The following GDPD5 variants were observed in gnomAD, a reference collection of about 807,000 sequenced individuals.
GDPD5 encodes glycerophosphodiester phosphodiesterase 2.
A neutral mutation model predicts 75.1 loss-of-function variants in GDPD5; 48 were observed. That is an observed-to-expected ratio of 0.64 (90% CI 0.51 to 0.81). The LOEUF is 0.81. Among genes scored for constraint, GDPD5 ranks in the 40% least tolerant of loss-of-function variants. The pLI, the probability that GDPD5 is intolerant of heterozygous loss-of-function variation, is 0.00. For missense variants in GDPD5, 706 were observed against 822.6 expected, an observed-to-expected ratio of 0.86 and a Z score of 1.73; for synonymous variants, 336 against 339.0, an observed-to-expected ratio of 0.99 and a Z score of 0.10.
chr11:75,486,518 G>A (rs139235947), intron 2 of GDPD5, among the ~76,000 whole-genome samples: 195 of 152,316 alleles, frequency 1.3e-3, no homozygotes, highest in African/African-American at 4.6e-3. Context: ...AGGCATGAAA[G>A]GTGCAGGGCC....
intron 2 of GDPD5, among the ~76,000 whole-genome samples, chr11:75,490,004 C>A (rs1394231266): frequency 2.6e-5 from 4 of 152,198 alleles, no homozygotes; most frequent in Admixed American, 2.0e-4. Context: ...CAGGGATAAC[C>A]ATGGCATCAG....
At chr11:75,483,919 G>A (rs1440528282) in intron 2 of GDPD5, among the ~76,000 whole-genome samples, 1 of 152,190 alleles carries the variant, frequency 6.6e-6, no homozygotes, top group Non-Finnish European at 1.5e-5. Flanking sequence ...AGGCATGGTG[G>A]CTCACACCTG....
chr11:75,462,160 T>C (rs143452214), intron 4 of GDPD5, among the ~76,000 whole-genome samples: 610 of 152,322 alleles, frequency 4.0e-3, no homozygotes, highest in African/African-American at 0.013. Context: ...TGTAGATTTC[T>C]TGTATACAAA....
Position 75,484,449 on chromosome 11 carries a change from T to G in GDPD5, c.-61+5788A>C, listed in dbSNP as rs1949981622. 2.6e-5 allele frequency among the ~76,000 whole-genome samples: 4 copies of G among 152,182 alleles called. No individual in the cohort carries two copies. In the South Asian group the frequency reaches 8.3e-4, roughly 32 times the overall value. ...AGACCCCTCAGATTCTGGAAACAAC[T>G]CTAGTTCCTTCCAAGGAACTCTTCT... On this transcript the variant is annotated intron_variant, in intron 2 of 16. Transcript: ENST00000336898.
intron 1 of GDPD5, among the ~76,000 whole-genome samples, chr11:75,501,774 G>C (rs1437161692): frequency 6.6e-6 from 1 of 152,106 alleles, no homozygotes; most frequent in African/African-American, 2.4e-5. Context: ...GCCCTGCTAG[G>C]CTCCTCCAGA....
chr11:75,437,258 T>G, intron 15 of GDPD5: 1 of 557,758 alleles, frequency 1.8e-6, no homozygotes. Context: ...CTGGCCTCCC[T>G]CTTACCTCCA....
intron 1 of GDPD5, among the ~76,000 whole-genome samples, chr11:75,503,092 T>C (rs1252449227): frequency 3.3e-5 from 5 of 152,230 alleles, no homozygotes; most frequent in Non-Finnish European, 7.3e-5. Flanking sequence ...ACATCTCAGC[T>C]CACTGCAACC....
intron 9 of GDPD5, among the ~76,000 whole-genome samples, chr11:75,447,447 T>C (rs1382313215): frequency 6.6e-6 from 1 of 152,012 alleles, no homozygotes; most frequent in African/African-American, 2.4e-5. Context: ...TGCCTATGGG[T>C]AAGACGATGC....
intron 9 of GDPD5, among the ~76,000 whole-genome samples, chr11:75,447,551 A>G (rs931781251): frequency 6.6e-6 from 1 of 152,226 alleles, no homozygotes; most frequent in African/African-American, 2.4e-5. Context: ...GATTGGATTC[A>G]TTACATCCTT....
intron 2 of GDPD5, among the ~76,000 whole-genome samples, chr11:75,488,037 C>G (rs1266975762): frequency 6.6e-6 from 1 of 152,216 alleles, no homozygotes; most frequent in African/African-American, 2.4e-5. Context: ...GCCTCCCCTT[C>G]CATTCAGAAA....
chr11:75,442,981 C>T, intron 11 of GDPD5, 155 bp downstream of exon 11: 1 of 798,856 alleles, frequency 1.3e-6, no homozygotes, highest in East Asian at 2.7e-5. Flanking sequence ...GCAGCAGTGG[C>T]AGGAGCCTAG....
chr11:75,438,945 A>G (rs952459299), intron 15 of GDPD5: 4 of 180,206 alleles, frequency 2.2e-5, no homozygotes, highest in African/African-American at 4.9e-5. Flanking sequence ...GGGAAGAGAG[A>G]GGCAGAAACT....
chr11:75,474,531 C>T (rs1412844352), intron 3 of GDPD5, among the ~76,000 whole-genome samples: 1 of 152,210 alleles, frequency 6.6e-6, no homozygotes, highest in South Asian at 2.1e-4. Context: ...CTCCTCAGAA[C>T]TGGGGGCAAG....
intron 1 of GDPD5, among the ~76,000 whole-genome samples, chr11:75,520,811 G>T (rs897346029): frequency 1.3e-5 from 2 of 152,230 alleles, no homozygotes; most frequent in South Asian, 2.1e-4. Context: ...CCCTGCCAGT[G>T]ACCCCGCTGT....
intron 1 of GDPD5, among the ~76,000 whole-genome samples, chr11:75,510,900 T>G (rs1950503927): frequency 6.6e-6 from 1 of 152,192 alleles, no homozygotes; most frequent in African/African-American, 2.4e-5. Flanking sequence ...TCCGCTGAAT[T>G]GAGTAAATGT....
At chr11:75,437,161 T>G (rs139459790) in intron 15 of GDPD5, 113 bp from the exon 16 acceptor site, 21 of 730,312 alleles carry the variant, frequency 2.9e-5, no homozygotes, top group Non-Finnish European at 4.7e-5. Flanking sequence ...AGCAGGACTC[T>G]TGTCCCACTG....
At chr11:75,453,543 A>G (rs1355623407) in intron 6 of GDPD5, among the ~76,000 whole-genome samples, 2 of 151,698 alleles carry the variant, frequency 1.3e-5, no homozygotes, top group Non-Finnish European at 2.9e-5. Context: ...GGGTGAACCC[A>G]GGAGGTGGAG....
intron 4 of GDPD5, among the ~76,000 whole-genome samples, chr11:75,461,386 G>A (rs2135289236): frequency 6.6e-6 from 1 of 152,294 alleles, no homozygotes; most frequent in African/African-American, 2.4e-5. Context: ...CATCTTGCTT[G>A]GCTGCCGCAG....
chr11:75,440,720 AAATT>A (rs745712672), intron 14 of GDPD5, among the ~76,000 whole-genome samples: 1 of 152,050 alleles, frequency 6.6e-6, no homozygotes, highest in Non-Finnish European at 1.5e-5. Context: ...CTTGGCCAGC[AAATT>A]AATTAATTAT....
Sources: gnomAD v4.1 joint callset for allele counts (sites outside exome capture counted in the v4.1 genomes callset) on GRCh38, gnomAD v4.1.1 for gene constraint, MANE v1.5 for transcripts, NCBI Gene and HGNC (gene_info 2026-07-23, HGNC 2026-07-21) for gene names.